TTC7A: variants seen among roughly 807,000 people sequenced by gnomAD.
TTC7A encodes the protein tetratricopeptide repeat domain 7A.
A neutral mutation model predicts 103.7 loss-of-function variants in TTC7A; 110 were observed. That is an observed-to-expected ratio of 1.06 (90% CI 0.91 to 1.24). The LOEUF (loss-of-function observed/expected upper bound fraction) is 1.24. Among genes scored for constraint, TTC7A ranks in the 50% most tolerant of loss-of-function variants. TTC7A has a pLI of 0.00. For synonymous variants in TTC7A, 521 were observed against 467.9 expected, an observed-to-expected ratio of 1.11 and a Z score of -1.47; for missense variants, 1,340 against 1,116.3, an observed-to-expected ratio of 1.20 and a Z score of -2.86.
chr2:47,051,829 CAG>C lies in TTC7A; in HGVS notation c.2102_2103del (p.Gln701ArgfsTer18). On this transcript the variant is annotated frameshift_variant, in exon 18 of 20. Coordinates refer to ENST00000319190, the MANE Select transcript of TTC7A (RefSeq NM_020458.4). LOFTEE classifies it high-confidence loss of function. ...ELTMPSSVLKQGPMQLWTTLE... is the reference protein window; with the variant it reads ...ELTMPSSVLKXGPMQLWTTLE... ...GACTATGCCCTCTTCGGTCCTGAAG[CAG>C]GGCCCCATGCAGCTGTGGACCACGC... 6.2e-7 allele frequency: 1 copy of C among 1,612,204 alleles called. No homozygotes were observed. Among genetic ancestry groups the C allele is most frequent in the Non-Finnish European group, 8.5e-7 (1 of 1,179,776 alleles).
intron 1 of TTC7A, among the ~76,000 whole-genome samples, chr2:46,946,966 A>C (rs1244271737): frequency 6.6e-6 from 1 of 152,174 alleles, no homozygotes; most frequent in African/African-American, 2.4e-5. Flanking sequence ...TGGGGGCTGA[A>C]AGGGGCAGGC....
chr2:47,019,760 T>C (rs10164750), intron 11 of TTC7A, among the ~76,000 whole-genome samples: 25,144 of 152,124 alleles, frequency 0.17, 2,406 homozygotes, highest in African/African-American at 0.26. Flanking sequence ...GACATGGCCG[T>C]GTATTCATGG....
At chr2:47,018,917 G>C (rs998141824) in intron 11 of TTC7A, among the ~76,000 whole-genome samples, 13 of 152,154 alleles carry the variant, frequency 8.5e-5, no homozygotes, top group Non-Finnish European at 4.4e-5. Flanking sequence ...TTTGGCCCCA[G>C]AGCTTGTGTT....
intron 10 of TTC7A, among the ~76,000 whole-genome samples, chr2:47,009,412 A>C (rs1374500796): frequency 6.6e-6 from 1 of 152,090 alleles, no homozygotes; most frequent in Non-Finnish European, 1.5e-5. Context: ...GAGTGACCGC[A>C]CAACGCCTAG....
intron 16 of TTC7A, among the ~76,000 whole-genome samples, chr2:47,048,309 G>A (rs922100201): frequency 6.6e-6 from 1 of 152,222 alleles, no homozygotes; most frequent in African/African-American, 2.4e-5. Flanking sequence ...AGAACCAAGT[G>A]TAGTCCTGGA....
At chr2:46,967,212 C>T (rs1558518477) in intron 3 of TTC7A, among the ~76,000 whole-genome samples, 2 of 147,264 alleles carry the variant, frequency 1.4e-5, no homozygotes, top group Non-Finnish European at 3.0e-5. Flanking sequence ...GATTCCGTCT[C>T]AAAAAAAAAA....
chr2:46,962,608 C>T (rs1243710955), intron 3 of TTC7A, among the ~76,000 whole-genome samples: 1 of 152,234 alleles, frequency 6.6e-6, no homozygotes, highest in Non-Finnish European at 1.5e-5. Flanking sequence ...GTTTGGAAGA[C>T]CCCAGAGTGG....
Position 46,974,992 on chromosome 2 carries a change from A to G in TTC7A, c.537A>G (p.Leu179=). Residue 179 remains leucine (L), a synonymous_variant, in exon 4 of 20, where the codon CTA becomes CTG. Transcript: ENST00000319190. The part of the protein sequence containing the change: ...FVIKGLSLER[L]PNSIASRFRL... ...CCGCAGGCCTCTCTCTGGAACGCCT[A>G]CCCAACTCCATCGCCTCCCGCTTCC... 6.2e-7 allele frequency: 1 copy of G among 1,613,868 alleles called. No homozygotes were observed. The highest frequency in any genetic ancestry group is 1.3e-5 in the African/African-American group (1 of 75,032).
In TTC7A at chr2:46,978,924, T is replaced by G; in HGVS notation, c.764+17T>G. On this transcript the variant is annotated intron_variant, in intron 5 of 19. Transcript: ENST00000319190. ...GAAGAAGGGGTAGGTCACTGGTAGTTGAGTGAGTGGGAGAACGATTCCCCT... is the reference window on the plus strand; with the variant it reads ...GAAGAAGGGGTAGGTCACTGGTAGTGGAGTGAGTGGGAGAACGATTCCCCT... 1 of 1,577,238 alleles carries G rather than the reference T, an allele frequency of 6.3e-7. No individual in the cohort carries two copies. Among genetic ancestry groups the G allele is most frequent in the Non-Finnish European group, 8.7e-7 (1 of 1,146,622 alleles).
chr2:47,056,754 C>G (rs1053235281), intron 18 of TTC7A, among the ~76,000 whole-genome samples: 16 of 152,014 alleles, frequency 1.1e-4, no homozygotes, highest in Non-Finnish European at 2.4e-4. Flanking sequence ...GGAGGAAAAC[C>G]GGAGACAGAC....
At chr2:46,976,490 G>C (rs1673891699) in intron 4 of TTC7A, among the ~76,000 whole-genome samples, 1 of 152,230 alleles carries the variant, frequency 6.6e-6, no homozygotes, top group South Asian at 2.1e-4. Flanking sequence ...GAGAGACTAA[G>C]AGCCCAGGAG....
At chr2:46,945,369 C>G (rs1180138619) in intron 1 of TTC7A, among the ~76,000 whole-genome samples, 1 of 152,182 alleles carries the variant, frequency 6.6e-6, no homozygotes, top group Non-Finnish European at 1.5e-5. Flanking sequence ...TCTTCTGCCT[C>G]AGCCTCCCAA....
chr2:47,058,756 T>A (rs1041644826), intron 18 of TTC7A, among the ~76,000 whole-genome samples: 1 of 152,198 alleles, frequency 6.6e-6, no homozygotes, highest in African/African-American at 2.4e-5. Flanking sequence ...GAGCCGCGTC[T>A]CCTAAAGTGC....
rs973456792 is a variant in TTC7A, at chr2:47,075,657, C to T, written c.*1734C>T. On this transcript the variant is annotated 3_prime_UTR_variant, in exon 20 of 20. Coordinates refer to ENST00000319190, the MANE Select transcript of TTC7A (RefSeq NM_020458.4). ...GGGGCTGTTGCAGGATGAGGGAGGCCAGAGAAGGCATCGAAGCCAAGACCT... is the reference window on the plus strand; with the variant it reads ...GGGGCTGTTGCAGGATGAGGGAGGCTAGAGAAGGCATCGAAGCCAAGACCT... The T allele has an allele frequency of 9.2e-5, 14 of 152,302 alleles. No individual in the cohort carries two copies. Among genetic ancestry groups the T allele is most frequent in the African/African-American group, 3.4e-4 (14 of 41,426 alleles). The allele number at this position is 152,302 out of a possible 1,614,324, so 9.4% of individuals were successfully genotyped here.
intron 14 of TTC7A, among the ~76,000 whole-genome samples, chr2:47,026,168 G>T (rs538337157): frequency 6.6e-6 from 1 of 152,284 alleles, no homozygotes; most frequent in African/African-American, 2.4e-5. Flanking sequence ...TAGAGTCCTA[G>T]CCTGCCTGGG....
intron 18 of TTC7A, among the ~76,000 whole-genome samples, chr2:47,056,477 ACAGGG>A (rs1683327052): frequency 6.6e-6 from 1 of 152,184 alleles, no homozygotes; most frequent in South Asian, 2.1e-4. Flanking sequence ...GCTCATTAGC[ACAGGG>A]CCAGCCTGCG....
intron 3 of TTC7A, among the ~76,000 whole-genome samples, chr2:46,960,302 A>G (rs549397649): frequency 2.6e-5 from 4 of 152,296 alleles, no homozygotes; most frequent in Admixed American, 2.0e-4. Flanking sequence ...CAAGTCACCT[A>G]TGGCCCTGGA....
intron 11 of TTC7A, among the ~76,000 whole-genome samples, chr2:47,020,222 C>A (rs983301013): frequency 1.3e-5 from 2 of 152,198 alleles, no homozygotes; most frequent in Non-Finnish European, 2.9e-5. Context: ...AGAAACTGAG[C>A]CCCACAGCTG....
At chr2:46,966,564 T>G (rs1672865623) in intron 3 of TTC7A, among the ~76,000 whole-genome samples, 1 of 151,168 alleles carries the variant, frequency 6.6e-6, no homozygotes, top group Non-Finnish European at 1.5e-5. Context: ...TTTTGTGAAG[T>G]CCCGTCATTG....
Sources: gnomAD v4.1 joint callset for allele counts (sites outside exome capture counted in the v4.1 genomes callset) on GRCh38, gnomAD v4.1.1 for gene constraint, MANE v1.5 for transcripts, NCBI Gene and HGNC (gene_info 2026-07-23, HGNC 2026-07-21) for gene names.